TMTC2: variants seen among roughly 807,000 people sequenced by gnomAD.
TMTC2 encodes transmembrane O-mannosyltransferase targeting cadherins 2.
A neutral mutation model predicts 82.4 loss-of-function variants in TMTC2; 43 were observed. That is an observed-to-expected ratio of 0.52 (90% CI 0.41 to 0.67). TMTC2 has a LOEUF of 0.67. Among genes scored for constraint, TMTC2 ranks in the 30% least tolerant of loss-of-function variants. The pLI, the probability that TMTC2 is intolerant of heterozygous loss-of-function variation, is 0.00. For missense variants in TMTC2, 919 were observed against 1,012.4 expected (o/e 0.91, Z 1.25); for synonymous variants, 408 against 381.9 (o/e 1.07, Z -0.80).
chr12:82,889,058 C>T (rs1297804546), intron 2 of TMTC2, among the ~76,000 whole-genome samples: 1 of 152,032 alleles, frequency 6.6e-6, no homozygotes, highest in Non-Finnish European at 1.5e-5. Context: ...GCGGGCAGAT[C>T]ATAAGTTCAG....
chr12:82,937,700 T>G (rs1053414777), intron 4 of TMTC2, among the ~76,000 whole-genome samples: 1 of 76,372 alleles, frequency 1.3e-5, no homozygotes, highest in African/African-American at 6.1e-5. Context: ...CAAATGTCAA[T>G]GGTGTGTGTG....
intron 1 of TMTC2, among the ~76,000 whole-genome samples, chr12:82,789,107 C>T (rs191776008): frequency 1.3e-4 from 20 of 152,274 alleles, no homozygotes; most frequent in African/African-American, 4.1e-4. Context: ...TTTTTTGATT[C>T]GGCTTCCTTT....
intron 8 of TMTC2, among the ~76,000 whole-genome samples, chr12:83,014,137 A>T (rs1037040787): frequency 2.0e-5 from 3 of 152,170 alleles, no homozygotes; most frequent in African/African-American, 7.2e-5. Context: ...GTGTAGAAGC[A>T]TTATAAGAAT....
At chr12:82,752,985 G>A (rs945750463) in intron 1 of TMTC2, among the ~76,000 whole-genome samples, 1 of 152,016 alleles carries the variant, frequency 6.6e-6, no homozygotes, top group African/African-American at 2.4e-5. Context: ...TGCTGTTCTC[G>A]AGGGCTGCTA....
Position 82,830,055 on chromosome 12 carries a change from C to T in TMTC2, c.84-26955C>T, listed in dbSNP as rs775785917. The stretch of plus-strand genomic sequence containing the variant: ...GTTTTCCTTTTTGTCCCAAGAGCAA[C>T]GGGATGCACTTAAAAACCTTTTAAA... On this transcript the variant is annotated intron_variant, in intron 1 of 11. Transcript: ENST00000321196. Among the ~76,000 whole-genome samples the T allele has an allele frequency of 6.6e-5, 10 of 152,152 alleles. No individual in the cohort carries two copies. In the East Asian group the frequency reaches 1.3e-3, roughly 21 times the overall value.
intron 3 of TMTC2, among the ~76,000 whole-genome samples, chr12:82,912,509 CCT>C (rs1189720417): frequency 6.6e-6 from 1 of 152,140 alleles, no homozygotes; most frequent in East Asian, 1.9e-4. Flanking sequence ...GAAATGTTTT[CCT>C]TTTTCACCAA....
intron 3 of TMTC2, among the ~76,000 whole-genome samples, chr12:82,929,282 CTT>C (rs1875894869): frequency 6.6e-6 from 1 of 151,958 alleles, no homozygotes; most frequent in South Asian, 2.1e-4. Flanking sequence ...TCAAACTCCT[CTT>C]GAGCTCAAAC....
intron 1 of TMTC2, among the ~76,000 whole-genome samples, chr12:82,777,552 A>C (rs913995968): frequency 6.6e-6 from 1 of 152,154 alleles, no homozygotes; most frequent in Non-Finnish European, 1.5e-5. Context: ...TATGTGTTCA[A>C]ATCTAAGTTT....
chr12:83,093,616 G>C (rs1163383049), intron 11 of TMTC2, among the ~76,000 whole-genome samples: 1 of 152,204 alleles, frequency 6.6e-6, no homozygotes, highest in African/African-American at 2.4e-5. Flanking sequence ...TGCTGAATCT[G>C]TACAGGGGAA....
chr12:83,027,846 T>G (rs1326211513), intron 8 of TMTC2, among the ~76,000 whole-genome samples: 1 of 152,140 alleles, frequency 6.6e-6, no homozygotes, highest in Non-Finnish European at 1.5e-5. Context: ...TTTTTAAAAT[T>G]TCATAATATT....
chr12:82,936,003 G>A (rs1294604456), intron 4 of TMTC2, among the ~76,000 whole-genome samples: 1 of 151,996 alleles, frequency 6.6e-6, no homozygotes, highest in African/African-American at 2.4e-5. Context: ...CTTTGGGTAA[G>A]GGTAACGTAG....
intron 4 of TMTC2, among the ~76,000 whole-genome samples, chr12:82,952,711 A>G (rs1416012925): frequency 1.3e-5 from 2 of 151,838 alleles, no homozygotes; most frequent in Non-Finnish European, 2.9e-5. Flanking sequence ...ATGCCCTGCT[A>G]ATTTTTGTGT....
intron 11 of TMTC2, among the ~76,000 whole-genome samples, chr12:83,109,661 T>G (rs1471405378): frequency 6.6e-6 from 1 of 152,186 alleles, no homozygotes; most frequent in Admixed American, 6.5e-5. Context: ...TTTCATGGTT[T>G]TTCACATTAT....
rs1273194283 is a variant in TMTC2 at position 82,687,579 on chromosome 12, G to A, written c.-8G>A. ...TGGGAGCCGAGCCGGAGGGAAGGCG[G>A]TGGAGAGATGATTGCAGAGTTGGTG... On this transcript the variant is annotated 5_prime_UTR_variant, in exon 1 of 12. The change creates a new upstream start codon in the 5' untranslated region. Transcript: ENST00000321196. 3 of 1,594,060 alleles carry A rather than the reference G, an allele frequency of 1.9e-6. No homozygotes were observed. Among genetic ancestry groups the A allele is most frequent in the South Asian group, 1.1e-5 (1 of 87,208 alleles).
Position 82,905,452 on chromosome 12 carries a change from C to A in TMTC2, c.1483+8806C>A, listed in dbSNP as rs868221243. Among the ~76,000 whole-genome samples, 5 of 152,066 alleles carry A rather than the reference C, an allele frequency of 3.3e-5. No homozygotes were observed. The South Asian group carries it at 6.2e-4, about 19-fold the overall frequency. On this transcript the variant is annotated intron_variant, in intron 3 of 11. Coordinates refer to ENST00000321196, the MANE Select transcript of TMTC2 (RefSeq NM_152588.3). ...AAGCAATTTCTTAAATAGTTAAGAA[C>A]AATTAAGAGTGAATCTGAGGAAAAC...
At chr12:82,787,874 A>T (rs6539691) in intron 1 of TMTC2, among the ~76,000 whole-genome samples, 55,512 of 151,744 alleles carry the variant, frequency 0.37, 10,646 homozygotes, top group Middle Eastern at 0.55. Context: ...TATCACGCCA[A>T]TGCACTCCAG....
intron 1 of TMTC2, among the ~76,000 whole-genome samples, chr12:82,848,701 G>A (rs1313905300): frequency 6.6e-6 from 1 of 152,106 alleles, no homozygotes; most frequent in Non-Finnish European, 1.5e-5. Flanking sequence ...TATTTTCAAA[G>A]CATACATTTC....
intron 3 of TMTC2, among the ~76,000 whole-genome samples, chr12:82,928,248 G>A (rs1268163730): frequency 6.6e-6 from 1 of 151,858 alleles, no homozygotes; most frequent in Non-Finnish European, 1.5e-5. Flanking sequence ...ACATTTGAAT[G>A]CATTTCTCAG....
intron 1 of TMTC2, among the ~76,000 whole-genome samples, chr12:82,753,878 A>G (rs1350431711): frequency 6.6e-6 from 1 of 152,224 alleles, no homozygotes; most frequent in Non-Finnish European, 1.5e-5. Context: ...AATAAAGCGT[A>G]CTATATTAAT....
Sources: gnomAD v4.1 joint callset for allele counts (sites outside exome capture counted in the v4.1 genomes callset) on GRCh38, gnomAD v4.1.1 for gene constraint, MANE v1.5 for transcripts, NCBI Gene and HGNC (gene_info 2026-07-23, HGNC 2026-07-21) for gene names.